The following EPB41 variants were observed in gnomAD, a reference collection of about 807,000 sequenced individuals.
The protein encoded by EPB41 is protein 4.1.
A neutral mutation model predicts 108.0 loss-of-function variants in EPB41; 65 were observed. The ratio of observed to expected loss-of-function variants is 0.60; its 90% CI spans 0.49 to 0.74. The LOEUF (loss-of-function observed/expected upper bound fraction) is 0.74, where lower values mean the gene tolerates loss of function less well. Among genes scored for constraint, EPB41 ranks in the 30% least tolerant of loss-of-function variants. The probability of loss-of-function intolerance (pLI) is 0.00; values close to 1 mark genes in which losing one functional copy is unlikely to be tolerated. For missense variants in EPB41, 875 were observed against 1,037.0 expected, an observed-to-expected ratio of 0.84 and a Z score of 2.15; for synonymous variants, 336 against 358.9, an observed-to-expected ratio of 0.94 and a Z score of 0.72.
At chr1:28,952,740 T>C (rs2094784749) in intron 1 of EPB41, among the ~76,000 whole-genome samples, 1 of 152,210 alleles carries the variant, frequency 6.6e-6, no homozygotes, top group Non-Finnish European at 1.5e-5. Context: ...GATAAGTATT[T>C]CCAGACAAGG....
intron 1 of EPB41, among the ~76,000 whole-genome samples, chr1:28,925,504 G>C (rs372239275): frequency 1.1e-4 from 16 of 152,290 alleles, no homozygotes; most frequent in East Asian, 9.6e-4. Flanking sequence ...ATCAGGGAAA[G>C]TAGAATGGGA....
At chr1:29,078,878 G>A (rs1655206897) in intron 16 of EPB41, among the ~76,000 whole-genome samples, 1 of 151,974 alleles carries the variant, frequency 6.6e-6, no homozygotes, top group Admixed American at 6.6e-5. Flanking sequence ...CATTTGGTTT[G>A]TTTTAAGGAT....
intron 1 of EPB41, among the ~76,000 whole-genome samples, chr1:28,899,020 ACG>A (rs1180722987): frequency 1.3e-5 from 2 of 152,064 alleles, no homozygotes; most frequent in African/African-American, 4.8e-5. Flanking sequence ...CATGCAACAG[ACG>A]CTAGCCACCA....
At chr1:29,031,727 C>G (rs2096791442) in intron 8 of EPB41, 1 of 152,086 alleles carries the variant, frequency 6.6e-6, no homozygotes, top group African/African-American at 2.4e-5. Flanking sequence ...CCTAGTTCTA[C>G]CTAATACAGC....
chr1:29,014,420 A>T (rs1470371126), intron 5 of EPB41, among the ~76,000 whole-genome samples: 2 of 152,152 alleles, frequency 1.3e-5, no homozygotes, highest in African/African-American at 4.8e-5. Flanking sequence ...GGTATAAAAT[A>T]AAAAGATACA....
chr1:28,900,037 C>G (rs1035974643), intron 1 of EPB41, among the ~76,000 whole-genome samples: 15 of 152,138 alleles, frequency 9.9e-5, no homozygotes, highest in South Asian at 2.1e-4. Context: ...CAGTCCGTAG[C>G]TGACAGACAT....
intron 4 of EPB41, among the ~76,000 whole-genome samples, chr1:29,008,477 G>C (rs1005915597): frequency 6.6e-6 from 1 of 152,166 alleles, no homozygotes; most frequent in Non-Finnish European, 1.5e-5. Context: ...CTTATGTAAG[G>C]TTACACAGCT....
rs1027179685 is a variant in EPB41, at chr1:29,094,884, A to G, written c.2185-2923A>G. On this transcript the variant is annotated intron_variant, in intron 16 of 20. Coordinates refer to ENST00000343067, the MANE Select transcript of EPB41 (RefSeq NM_001376013.1). ...GGATACCAAAATCCACAAATGCTCAAGTCTTGGATTTAAAATGACATGGTA... is the reference window on the plus strand; with the variant it reads ...GGATACCAAAATCCACAAATGCTCAGGTCTTGGATTTAAAATGACATGGTA... 3.3e-5 allele frequency among the ~76,000 whole-genome samples: 5 copies of G among 152,154 alleles called. No individual in the cohort carries two copies. The South Asian group carries it at 1.0e-3, about 31-fold the overall frequency.
intron 1 of EPB41, among the ~76,000 whole-genome samples, chr1:28,894,231 C>T (rs984944696): frequency 4.6e-5 from 7 of 152,190 alleles, no homozygotes; most frequent in Non-Finnish European, 8.8e-5. Flanking sequence ...TTCATCTGTT[C>T]ACCAGGTGCT....
upstream of EPB41, among the ~76,000 whole-genome samples, chr1:28,909,661 G>A (rs1161024258): frequency 3.3e-5 from 5 of 151,982 alleles, no homozygotes; most frequent in Non-Finnish European, 7.4e-5. Context: ...TTATCTGGGT[G>A]TGGTGGCATA....
At chr1:29,070,590 C>T in intron 16 of EPB41, 2 of 1,232,064 alleles carry the variant, frequency 1.6e-6, no homozygotes, top group Admixed American at 8.4e-5. Context: ...CTTGTGTTGG[C>T]TGTTTGGTGG....
chr1:28,982,352 C>A, intron 1 of EPB41: 1 of 680,358 alleles, frequency 1.5e-6, no homozygotes, highest in South Asian at 1.4e-5. Flanking sequence ...ACCTTGGCCT[C>A]TCGTCGGGCT....
intron 11 of EPB41, among the ~76,000 whole-genome samples, chr1:29,050,328 A>G (rs1283547180): frequency 6.6e-6 from 1 of 152,276 alleles, no homozygotes; most frequent in Non-Finnish European, 1.5e-5. Context: ...CTGAAGACAT[A>G]AATCATTTGG....
Position 29,115,764 on chromosome 1 carries a change from C to T in EPB41, c.2562C>T (p.Val854=), listed in dbSNP as rs781248152. Residue 854 remains valine (V), a synonymous_variant, in exon 20 of 21, where the codon GTC becomes GTT. Transcript: ENST00000343067. The surrounding 1 kb of genome is among the most constrained non-coding windows in gnomAD (Gnocchi z 4.4). The part of the protein sequence containing the change: ...QHPDMSVTKV[V]VHQETEIADE ...CAGACATGTCAGTGACCAAGGTGGT[C>T]GTCCACCAGGAGACCGAGATTGCTG... 8 of 1,614,006 alleles carry T rather than the reference C, an allele frequency of 5.0e-6. No individual in the cohort carries two copies. The East Asian group carries it at 1.3e-4, about 27-fold the overall frequency.
chr1:29,042,715 G>C (rs1641980729), intron 11 of EPB41, among the ~76,000 whole-genome samples: 1 of 151,914 alleles, frequency 6.6e-6, no homozygotes, highest in South Asian at 2.1e-4. Flanking sequence ...CTGGCCTCAA[G>C]TAATCTGCCT....
intron 1 of EPB41, among the ~76,000 whole-genome samples, chr1:28,895,749 A>T (rs780088588): frequency 6.6e-6 from 1 of 152,090 alleles, no homozygotes; most frequent in East Asian, 1.9e-4. Flanking sequence ...CAGCCTCTCA[A>T]AGTGCTGGGA....
chr1:29,057,373 CAA>C (rs72047998), intron 12 of EPB41, among the ~76,000 whole-genome samples: 13 of 65,284 alleles, frequency 2.0e-4, no homozygotes, highest in South Asian at 7.8e-4. Flanking sequence ...GACTCTGTCT[CAA>C]AAAAAAAAAA....
intron 1 of EPB41, chr1:28,982,140 C>T (rs946204544): frequency 6.4e-6 from 2 of 312,888 alleles, no homozygotes; most frequent in Non-Finnish European, 6.3e-6. Flanking sequence ...TGAGAACATG[C>T]GGTGTTTGGA....
rs1339041078 is a variant in EPB41, at chr1:29,117,662, C to T, written c.*850C>T. On this transcript the variant is annotated 3_prime_UTR_variant, in exon 21 of 21. Transcript: ENST00000343067. ...AAAAATAGGCACTTTGGGCCAAAAG[C>T]TCTAATGGAACATTTTTAGTGGTGA... The T allele has an allele frequency of 6.6e-6, 1 of 152,616 alleles. No individual in the cohort carries two copies. The highest frequency in any genetic ancestry group is 6.5e-5 in the Admixed American group (1 of 15,274). 9.5% of individuals were successfully genotyped at this position (152,616 alleles called of 1,614,324 possible). A position where few individuals can be genotyped will look rare whatever the true frequency, so the allele number is the denominator to read the frequency against.
Sources: gnomAD v4.1 joint callset for allele counts (sites outside exome capture counted in the v4.1 genomes callset) on GRCh38, gnomAD v4.1.1 for gene constraint, Gnocchi (gnomAD v3.1) non-coding constraint, MANE v1.5 for transcripts, NCBI Gene and HGNC (gene_info 2026-07-23, HGNC 2026-07-21) for gene names.